Variants in SLC25A17 observed in about 807,000 individuals in gnomAD.
SLC25A17 encodes the protein solute carrier family 25 member 17, also known as peroxisomal membrane protein PMP34.
SLC25A17 carries 26 observed loss-of-function variants against 38.5 expected under a neutral mutation model. The observed-to-expected ratio is 0.68, with a 90% CI of 0.50 to 0.94. The LOEUF is 0.94. Among genes scored for constraint, SLC25A17 ranks in the 40% least tolerant of loss-of-function variants. The pLI is 0.00. For synonymous variants in SLC25A17, 139 were observed against 136.2 expected (o/e 1.02, Z -0.14); for missense variants, 333 against 372.7 (o/e 0.89, Z 0.88).
intron 1 of SLC25A17, among the ~76,000 whole-genome samples, chr22:40,816,298 T>A (rs1369401130): frequency 6.6e-6 from 1 of 152,072 alleles, no homozygotes; most frequent in Non-Finnish European, 1.5e-5. Flanking sequence ...AGAAATATAT[T>A]ACCACTATTG....
chr22:40,784,532 GA>G, intron 4 of SLC25A17: 1 of 256,594 alleles, frequency 3.9e-6, no homozygotes, highest in South Asian at 3.8e-5. Context: ...TAGCACTTTG[GA>G]AGGTCGAGGC....
rs564376579 is a variant in SLC25A17, at chr22:40,794,685, T to C, written c.116-105A>G. 9.0e-5 allele frequency: 46 copies of C among 509,140 alleles called. No individual in the cohort carries two copies. The South Asian group carries it at 1.1e-3, about 12-fold the overall frequency. 31.5% of individuals were successfully genotyped at this position (509,140 alleles called of 1,614,324 possible). A position where few individuals can be genotyped will look rare whatever the true frequency, so the allele number is the denominator to read the frequency against. On this transcript the variant is annotated intron_variant, in intron 2 of 8. Coordinates refer to ENST00000435456, the MANE Select transcript of SLC25A17 (RefSeq NM_006358.4). ...CCCAGGCTGGAGTGCAGTGGCGTGATCTCAGCTCACTGCAACCTCCACCTC... is the reference window on the plus strand; with the variant it reads ...CCCAGGCTGGAGTGCAGTGGCGTGACCTCAGCTCACTGCAACCTCCACCTC...
rs773140538 is a variant in SLC25A17, at chr22:40,777,311, A to G, written c.514T>C (p.Ser172Pro). 6.2e-7 allele frequency: 1 copy of G among 1,614,182 alleles called. No homozygotes were observed. Among genetic ancestry groups the G allele is most frequent in the South Asian group, 1.1e-5 (1 of 91,090 alleles). ...ISALWNGTFP[S>P]LLLVFNPAIQ... Reference sequence around the variant, plus strand: ...GCAGGATTGAAGACCAACAGCAATGAGGGAAATGTGCCATTCCATAAAGCC... The same window carrying G: ...GCAGGATTGAAGACCAACAGCAATGGGGGAAATGTGCCATTCCATAAAGCC... The change falls in exon 6 of 9, where the codon TCA becomes CCA. Residue 172 changes from serine (S) to proline (P), a missense_variant. Ser to Pro is a moderately conservative substitution (Grantham distance 74). Coordinates refer to ENST00000435456, the MANE Select transcript of SLC25A17 (RefSeq NM_006358.4).
intron 1 of SLC25A17, among the ~76,000 whole-genome samples, chr22:40,814,757 A>ATATATATATATATG (rs2057618524): frequency 1.8e-4 from 1 of 5,508 alleles, no homozygotes; most frequent in Admixed American, 3.5e-3. Flanking sequence ...CGTGCAGAAT[A>ATATATATATATATG]TATATATATA....
In SLC25A17 at chr22:40,786,638, T is replaced by C. The variant is rs184266901; in HGVS notation, c.334+5887A>G. ...CAAGAAAAAAAGTCTACATGTTCAG[T>C]ATAGATACAACTACCCTCTTCTTTT... On this transcript the variant is annotated intron_variant, in intron 4 of 8. Coordinates refer to ENST00000435456, the MANE Select transcript of SLC25A17 (RefSeq NM_006358.4). 2.0e-5 allele frequency among the ~76,000 whole-genome samples: 3 copies of C among 152,352 alleles called. No homozygotes were observed. In the East Asian group the frequency reaches 5.8e-4, roughly 29 times the overall value.
rs762223924 is a variant in SLC25A17 at position 40,799,075 on chromosome 22, C to G, written c.63G>C (p.Val21=). ...VHAVAGAVGS[V]TAMTVFFPLD... ...GGGGAAAAAACACTGTCATTGCTGT[C>G]ACGCTTCCCTGAAAAGTTTGAAAAA... Residue 21 remains valine (V), a synonymous_variant, in exon 2 of 9, where the codon GTG becomes GTC. Coordinates refer to ENST00000435456, the MANE Select transcript of SLC25A17 (RefSeq NM_006358.4). 1 of 1,613,612 alleles carries G rather than the reference C, an allele frequency of 6.2e-7. No homozygotes were observed. The highest frequency in any genetic ancestry group is 8.5e-7 in the Non-Finnish European group (1 of 1,179,624).
In SLC25A17 at chr22:40,795,636, T is replaced by C. The variant is rs533243076; in HGVS notation, c.116-1056A>G. Among the ~76,000 whole-genome samples the C allele has an allele frequency of 2.0e-5, 3 of 152,292 alleles. No individual in the cohort carries two copies. The South Asian group carries it at 6.2e-4, about 32-fold the overall frequency. On this transcript the variant is annotated intron_variant, in intron 2 of 8. Coordinates refer to ENST00000435456, the MANE Select transcript of SLC25A17 (RefSeq NM_006358.4). ...TAAATTTCATAAAGCTCTCTTGTTT[T>C]ATTCAATTAATGTATATATTTTCTC...
At chr22:40,802,087 T>C (rs1487286245) in intron 1 of SLC25A17, among the ~76,000 whole-genome samples, 1 of 151,936 alleles carries the variant, frequency 6.6e-6, no homozygotes, top group Non-Finnish European at 1.5e-5. Flanking sequence ...CCACCGTGCC[T>C]GGCCGGTACT....
At position 40,789,351 on chromosome 22, in the gene SLC25A17, G is replaced by C. The variant is rs964848635; in HGVS notation, c.334+3174C>G. On this transcript the variant is annotated intron_variant, in intron 4 of 8. Transcript: ENST00000435456. This position sits in a 1 kb window ranked among gnomAD's most constrained non-coding sequence, Gnocchi z 4.5. Reference sequence around the variant, plus strand: ...CGGACCAGCCACGGGGTGGGAAGGGGCGTGAGCTCTGTCTGCCGCGGGGGT... The same window carrying C: ...CGGACCAGCCACGGGGTGGGAAGGGCCGTGAGCTCTGTCTGCCGCGGGGGT... 2.6e-5 allele frequency: 4 copies of C among 152,672 alleles called. No homozygotes were observed. Among genetic ancestry groups the C allele is most frequent in the African/African-American group, 9.6e-5 (4 of 41,472 alleles). 9.5% of individuals were successfully genotyped at this position (152,672 alleles called of 1,614,324 possible). A position where few individuals can be genotyped will look rare whatever the true frequency, so the allele number is the denominator to read the frequency against.
chr22:40,773,989 T>C lies in SLC25A17; in HGVS notation c.724A>G (p.Arg242Gly), dbSNP rs377711906. ...FGRHRLNPENRTLGSLRNILY... is the reference protein window; with the variant it reads ...FGRHRLNPENGTLGSLRNILY... ...ATATTCCGAAGACTTCCCAATGTTC[T>C]GTTTTCTGGGTTTAGTCTATGACGC... The change falls in exon 8 of 9, where the codon AGA becomes GGA. Residue 242 changes from arginine (R) to glycine (G), a missense_variant. By Grantham distance (125) the Arg-to-Gly change is moderately radical (BLOSUM62 -2). Transcript: ENST00000435456. 2.9e-5 allele frequency: 47 copies of C among 1,613,278 alleles called. 1 individual carries two copies. In the Middle Eastern group the frequency reaches 4.9e-4, roughly 17 times the overall value.
At chr22:40,816,891 G>A (rs539493384) in intron 1 of SLC25A17, among the ~76,000 whole-genome samples, 4 of 152,276 alleles carry the variant, frequency 2.6e-5, no homozygotes, top group East Asian at 3.9e-4. Flanking sequence ...GATTACAGGC[G>A]TGAGCCACCG....
chr22:40,778,466 G>A (rs919810703), intron 5 of SLC25A17, among the ~76,000 whole-genome samples: 2 of 152,164 alleles, frequency 1.3e-5, no homozygotes, highest in Non-Finnish European at 2.9e-5. Flanking sequence ...GTCAGGCTAC[G>A]GTCAGCCTAG....
intron 1 of SLC25A17, among the ~76,000 whole-genome samples, chr22:40,817,746 T>A (rs2057657329): frequency 6.6e-6 from 1 of 152,158 alleles, no homozygotes; most frequent in Admixed American, 6.6e-5. Flanking sequence ...GCCAGGGTGA[T>A]CACGTTTAAA....
intron 3 of SLC25A17, among the ~76,000 whole-genome samples, chr22:40,793,617 T>TC (rs2057402167): frequency 6.6e-6 from 1 of 152,016 alleles, no homozygotes; most frequent in East Asian, 1.9e-4. Context: ...CTTTCTATTT[T>TC]CTTTTTTTTT....
intron 3 of SLC25A17, 73 bp from the exon 4 acceptor site, chr22:40,792,749 G>T: frequency 6.6e-7 from 1 of 1,515,634 alleles, no homozygotes. Context: ...TCCTAGGAAA[G>T]GCTGACCATC....
chr22:40,793,819 T>C lies in SLC25A17; in HGVS notation c.182+695A>G, dbSNP rs184933936. Among the ~76,000 whole-genome samples the C allele has an allele frequency of 1.7e-3, 253 of 152,166 alleles. 1 individual carries two copies. Among genetic ancestry groups the C allele is most frequent in the Non-Finnish European group, 2.7e-3 (187 of 68,000 alleles). Reference sequence around the variant, plus strand: ...TAAAGACGGGGTTTCTCCATGTTGGTCAGGCTGTCTCGAACTCCTGACCTC... The same window carrying C: ...TAAAGACGGGGTTTCTCCATGTTGGCCAGGCTGTCTCGAACTCCTGACCTC... On this transcript the variant is annotated intron_variant, in intron 3 of 8. Transcript: ENST00000435456.
intron 2 of SLC25A17, among the ~76,000 whole-genome samples, chr22:40,796,954 C>T (rs1424463050): frequency 6.6e-6 from 1 of 151,798 alleles, no homozygotes; most frequent in Non-Finnish European, 1.5e-5. Flanking sequence ...AAGTACAGGA[C>T]AGCATGTAAA....
At chr22:40,790,106 G>A (rs2057372312) in intron 4 of SLC25A17, among the ~76,000 whole-genome samples, 1 of 151,720 alleles carries the variant, frequency 6.6e-6, no homozygotes, top group Non-Finnish European at 1.5e-5. Context: ...TTGGGAGGCC[G>A]AGGCAGGCAG....
intron 4 of SLC25A17, among the ~76,000 whole-genome samples, chr22:40,780,853 T>C (rs955663790): frequency 1.3e-5 from 2 of 152,196 alleles, no homozygotes; most frequent in Non-Finnish European, 2.9e-5. Context: ...GCAGCTAAGA[T>C]TAAGATCTAA....
Sources: gnomAD v4.1 joint callset for allele counts (sites outside exome capture counted in the v4.1 genomes callset) on GRCh38, gnomAD v4.1.1 for gene constraint, Gnocchi (gnomAD v3.1) non-coding constraint, MANE v1.5 for transcripts, NCBI Gene and HGNC (gene_info 2026-07-23, HGNC 2026-07-21) for gene names.